Variants in SPMIP2 observed in about 807,000 individuals in gnomAD.
SPMIP2 encodes sperm microtubule inner protein 2, also known as protein SPMIP2.
chr4:158,933,958 T>C, the SPMIP2 span, among the ~76,000 whole-genome samples: 5 of 152,338 alleles, frequency 3.3e-5, no homozygotes, highest in East Asian at 9.6e-4. Context: ...TAGCTGGTAA[T>C]ACTTTCTAGT....
chr4:159,064,686 A>C, the SPMIP2 span, among the ~76,000 whole-genome samples: 4 of 152,190 alleles, frequency 2.6e-5, no homozygotes, highest in Non-Finnish European at 5.9e-5. Context: ...AAATACCCCA[A>C]ATTTTGTGAA....
the SPMIP2 span, among the ~76,000 whole-genome samples, chr4:159,047,703 A>G: frequency 6.6e-6 from 1 of 152,240 alleles, no homozygotes; most frequent in Non-Finnish European, 1.5e-5. Flanking sequence ...CAAGCTCTGC[A>G]GAAAAGTAAC....
the SPMIP2 span, among the ~76,000 whole-genome samples, chr4:158,970,824 G>C: frequency 6.6e-6 from 1 of 152,018 alleles, no homozygotes; most frequent in African/African-American, 2.4e-5. Context: ...AAAATACTGG[G>C]GCCAAGAAAG....
At chr4:158,982,512 TAACA>T in the SPMIP2 span, among the ~76,000 whole-genome samples, 74 of 152,054 alleles carry the variant, frequency 4.9e-4, 1 homozygote, top group East Asian at 2.3e-3. Flanking sequence ...AACAGAAACA[TAACA>T]AACAGTCTCT....
chr4:159,082,688 G>A, the SPMIP2 span, among the ~76,000 whole-genome samples: 2 of 152,252 alleles, frequency 1.3e-5, no homozygotes, highest in Admixed American at 6.5e-5. Context: ...TAATTAATCT[G>A]ATCATAATTA....
chr4:159,067,939 T>A, the SPMIP2 span, among the ~76,000 whole-genome samples: 1 of 152,032 alleles, frequency 6.6e-6, no homozygotes, highest in African/African-American at 2.4e-5. Flanking sequence ...ATCAGAGAAA[T>A]GCAAATCAAA....
At chr4:158,991,522 AGG>A in the SPMIP2 span, among the ~76,000 whole-genome samples, 1 of 152,178 alleles carries the variant, frequency 6.6e-6, no homozygotes, top group African/African-American at 2.4e-5. Flanking sequence ...TGAAAATGTG[AGG>A]GTTTTTCAGA....
the SPMIP2 span, among the ~76,000 whole-genome samples, chr4:158,947,286 A>G: frequency 2.6e-5 from 4 of 152,210 alleles, no homozygotes; most frequent in Non-Finnish European, 5.9e-5. Flanking sequence ...AAAAGCATGC[A>G]TTTATGTACC....
chr4:158,995,448 ATTT>A, the SPMIP2 span, among the ~76,000 whole-genome samples: 1 of 152,198 alleles, frequency 6.6e-6, no homozygotes. Context: ...TAAATAATAT[ATTT>A]GGCACCTTAC....
the SPMIP2 span, among the ~76,000 whole-genome samples, chr4:159,016,463 C>T: frequency 6.6e-6 from 1 of 152,248 alleles, no homozygotes; most frequent in East Asian, 1.9e-4. Flanking sequence ...TTAATTATTA[C>T]TGGGGAAAAT....
At chr4:158,979,352 G>A in the SPMIP2 span, among the ~76,000 whole-genome samples, 1 of 152,176 alleles carries the variant, frequency 6.6e-6, no homozygotes, top group Non-Finnish European at 1.5e-5. Context: ...CTCCTCTCCA[G>A]GGGAGTGAAT....
the SPMIP2 span, among the ~76,000 whole-genome samples, chr4:159,010,625 A>T: frequency 1.3e-5 from 2 of 152,200 alleles, no homozygotes; most frequent in African/African-American, 4.8e-5. Context: ...CATCTGGCTT[A>T]AAATGTGGCA....
At chr4:158,944,710 T>C in the SPMIP2 span, among the ~76,000 whole-genome samples, 3 of 152,210 alleles carry the variant, frequency 2.0e-5, no homozygotes, top group South Asian at 4.1e-4. Flanking sequence ...CTTCTACTTA[T>C]TCACTCAAAC....
At chr4:159,039,921 T>G in the SPMIP2 span, among the ~76,000 whole-genome samples, 1 of 152,244 alleles carries the variant, frequency 6.6e-6, no homozygotes, top group Non-Finnish European at 1.5e-5. Flanking sequence ...TTATATATCT[T>G]AATGATATAA....
the SPMIP2 span, chr4:158,973,061 T>C: frequency 1.3e-5 from 19 of 1,447,368 alleles, no homozygotes; most frequent in Non-Finnish European, 1.8e-5. Flanking sequence ...ATGAAAAGCA[T>C]AAATTTAAGA....
chr4:158,934,951 T>C, the SPMIP2 span, among the ~76,000 whole-genome samples: 3 of 152,220 alleles, frequency 2.0e-5, no homozygotes, highest in Non-Finnish European at 4.4e-5. Context: ...TTTCTATACC[T>C]ATTATATATC....
chr4:159,057,658 T>C, the SPMIP2 span, among the ~76,000 whole-genome samples: 1 of 152,160 alleles, frequency 6.6e-6, no homozygotes, highest in Admixed American at 6.5e-5. Flanking sequence ...CCTCATTATA[T>C]AATAATAGAA....
chr4:158,910,252 G>C, the SPMIP2 span, among the ~76,000 whole-genome samples: 3 of 151,976 alleles, frequency 2.0e-5, no homozygotes, highest in Admixed American at 2.0e-4. Context: ...CACTAATCTG[G>C]ATGATGCTGT....
At chr4:159,029,673 T>C in the SPMIP2 span, among the ~76,000 whole-genome samples, 2 of 152,214 alleles carry the variant, frequency 1.3e-5, no homozygotes, top group African/African-American at 4.8e-5. Context: ...TAATTTCCTG[T>C]TATTTCTCAG....
Sources: allele counts gnomAD v4.1 joint callset (sites outside exome capture counted in the v4.1 genomes callset), GRCh38; gene constraint gnomAD v4.1.1; transcripts MANE v1.5; gene names NCBI Gene and HGNC (gene_info 2026-07-23, HGNC 2026-07-21).